Variants in TIMM23 observed in about 807,000 individuals in gnomAD.
TIMM23 encodes the protein translocase of inner mitochondrial membrane 23.
TIMM23 carries 19 observed loss-of-function variants against 30.7 expected under a neutral mutation model. The observed-to-expected ratio is 0.62, with a 90% CI of 0.43 to 0.91. The LOEUF (loss-of-function observed/expected upper bound fraction) is 0.91. Ranked by LOEUF, TIMM23 falls within the 40% of genes least tolerant of loss-of-function variation. The pLI is 0.00. For missense variants in TIMM23, 202 were observed against 269.2 expected, an observed-to-expected ratio of 0.75 and a Z score of 1.75; for synonymous variants, 78 against 98.5, an observed-to-expected ratio of 0.79 and a Z score of 1.23.
At chr10:45,972,958 G>T (rs1357763785) in intron 1 of TIMM23, among the ~76,000 whole-genome samples, 4 of 152,080 alleles carry the variant, frequency 2.6e-5, no homozygotes, top group Non-Finnish European at 5.9e-5. Context: ...ACCTGGACTC[G>T]CGAGATGATG....
intron 2 of TIMM23, among the ~76,000 whole-genome samples, chr10:45,978,588 G>A (rs1156972526): frequency 6.6e-6 from 1 of 152,180 alleles, no homozygotes; most frequent in Non-Finnish European, 1.5e-5. Context: ...AAACCACAAT[G>A]AGATACCTCT....
intron 2 of TIMM23, among the ~76,000 whole-genome samples, chr10:45,976,546 G>A (rs1415500589): frequency 2.0e-5 from 3 of 152,036 alleles, no homozygotes; most frequent in African/African-American, 7.3e-5. Flanking sequence ...TGGAGACAAA[G>A]GTTGCAGTGA....
rs1299006751 is a variant in TIMM23 at position 45,985,254 on chromosome 10, G to A, written c.345-129G>A. The A allele has an allele frequency of 2.4e-5, 18 of 742,744 alleles. No homozygotes were observed. In the East Asian group the frequency reaches 4.5e-4, roughly 18 times the overall value. 46.0% of individuals were successfully genotyped at this position (742,744 alleles called of 1,614,324 possible). A position where few individuals can be genotyped will look rare whatever the true frequency, so the allele number is the denominator to read the frequency against. The stretch of plus-strand genomic sequence containing the variant: ...TCCTTATTGAAATCGGAGATATTAA[G>A]ATGTATTTTAGAATTTAAAAAACTT... On this transcript the variant is annotated intron_variant, in intron 4 of 6. Coordinates refer to ENST00000580018, the MANE Select transcript of TIMM23 (RefSeq NM_006327.4).
chr10:45,974,506 G>A (rs1203769193), intron 1 of TIMM23, among the ~76,000 whole-genome samples: 2 of 152,184 alleles, frequency 1.3e-5, no homozygotes, highest in African/African-American at 4.8e-5. Flanking sequence ...AGTTACAAGG[G>A]AGTTGGATCC....
At chr10:46,002,810 A>ATT (rs386371331) in intron 6 of TIMM23, among the ~76,000 whole-genome samples, 1,117 of 95,032 alleles carry the variant, frequency 0.012, 88 homozygotes, top group African/African-American at 0.028. Flanking sequence ...ATTTCATAGT[A>ATT]TTTTTTTTTT....
At chr10:45,987,352 C>T (rs1838019487) in intron 5 of TIMM23, among the ~76,000 whole-genome samples, 1 of 152,136 alleles carries the variant, frequency 6.6e-6, no homozygotes, top group Non-Finnish European at 1.5e-5. Context: ...TTGCAGTGGA[C>T]ACCAGTTGGG....
chr10:45,999,818 A>G (rs1473384000), intron 6 of TIMM23, among the ~76,000 whole-genome samples: 1 of 152,148 alleles, frequency 6.6e-6, no homozygotes, highest in Non-Finnish European at 1.5e-5. Flanking sequence ...TTTCACCCCT[A>G]CAGTCTACAG....
Position 45,995,336 on chromosome 10 carries a change from A to G in TIMM23, c.514+6489A>G, listed in dbSNP as rs587679962. On this transcript the variant is annotated intron_variant, in intron 6 of 6. Coordinates refer to ENST00000580018, the MANE Select transcript of TIMM23 (RefSeq NM_006327.4). Reference sequence around the variant, plus strand: ...ATACATATAATATGCCTTAAATTAGATGCCATACTATAGTGGCTTCCCTTG... The same window carrying G: ...ATACATATAATATGCCTTAAATTAGGTGCCATACTATAGTGGCTTCCCTTG... Among the ~76,000 whole-genome samples, 7 of 151,856 alleles carry G rather than the reference A, an allele frequency of 4.6e-5. No individual in the cohort carries two copies. In the East Asian group the frequency reaches 1.4e-3, roughly 29 times the overall value.
At chr10:45,999,574 C>G (rs1838457399) in intron 6 of TIMM23, among the ~76,000 whole-genome samples, 2 of 152,056 alleles carry the variant, frequency 1.3e-5, no homozygotes, top group Non-Finnish European at 2.9e-5. Flanking sequence ...TCAGAGACAT[C>G]AAGTACTTCA....
chr10:45,972,765 C>T (rs782784120), intron 1 of TIMM23, 35 bp downstream of exon 1: 2 of 1,612,180 alleles, frequency 1.2e-6, no homozygotes. Flanking sequence ...TTATTTCTGA[C>T]TGGTTTTTGC....
chr10:45,988,952 G>T (rs1274426962), intron 6 of TIMM23, 105 bp downstream of exon 6: 5 of 796,444 alleles, frequency 6.3e-6, no homozygotes, highest in African/African-American at 3.5e-5. Flanking sequence ...ATAATCTAGT[G>T]TTCTAACTTT....
intron 1 of TIMM23, among the ~76,000 whole-genome samples, chr10:45,973,920 T>C (rs1837581964): frequency 6.6e-5 from 10 of 152,066 alleles, no homozygotes. Context: ...CCCAAAATGC[T>C]GGGATTCCTA....
chr10:45,997,425 A>G (rs1301187463), intron 6 of TIMM23, among the ~76,000 whole-genome samples: 1 of 152,146 alleles, frequency 6.6e-6, no homozygotes, highest in Non-Finnish European at 1.5e-5. Flanking sequence ...ATACAGAAAA[A>G]AAGTAGAATG....
At position 45,972,726 on chromosome 10, in the gene TIMM23, C is replaced by G. The variant is rs782120914; in HGVS notation, c.102C>G (p.Val34=). The change falls in exon 1 of 7, where the codon GTC becomes GTG. Residue 34 remains valine, a synonymous_variant. Transcript: ENST00000580018. ...ACTCGCACGCGGATTTGGCTGGCGTCCCGCGTAAGTATGGGGCCTAGCTTG... is the reference window on the plus strand; with the variant it reads ...ACTCGCACGCGGATTTGGCTGGCGTGCCGCGTAAGTATGGGGCCTAGCTTG... ...AGYSHADLAG[V]PLTGMNPLSP... 4.2e-5 allele frequency: 67 copies of G among 1,613,816 alleles called. No individual in the cohort carries two copies. The highest frequency in any genetic ancestry group is 5.6e-5 in the Non-Finnish European group (66 of 1,179,864).
At chr10:45,997,702 G>C (rs1039947784) in intron 6 of TIMM23, among the ~76,000 whole-genome samples, 16 of 152,108 alleles carry the variant, frequency 1.1e-4, no homozygotes, top group Non-Finnish European at 1.8e-4. Flanking sequence ...CTACTTAGGA[G>C]GTTGTTGTGG....
rs782245516 is a variant in TIMM23, at chr10:45,978,031, C to CA, written c.165+2529dup. Among the ~76,000 whole-genome samples the CA allele has an allele frequency of 1.6e-4, 24 of 147,422 alleles. No individual in the cohort carries two copies. In the East Asian group the frequency reaches 2.6e-3, roughly 16 times the overall value. ...TGGGCAACAGAGTAAGACTCGGTCT[C>CA]AAAAAAAAAATAAAAAAATAAATAA... On this transcript the variant is annotated intron_variant, in intron 2 of 6. Coordinates refer to ENST00000580018, the MANE Select transcript of TIMM23 (RefSeq NM_006327.4).
intron 6 of TIMM23, among the ~76,000 whole-genome samples, chr10:45,993,876 A>G (rs1838246756): frequency 6.6e-6 from 1 of 152,082 alleles, no homozygotes; most frequent in Admixed American, 6.5e-5. Context: ...AAATAATGAA[A>G]TGAACAATGA....
At chr10:45,987,911 G>A (rs1838044037) in intron 5 of TIMM23, among the ~76,000 whole-genome samples, 1 of 152,070 alleles carries the variant, frequency 6.6e-6, no homozygotes, top group Non-Finnish European at 1.5e-5. Context: ...AACTTTGTGA[G>A]CCACCACACC....
chr10:46,000,642 A>T (rs117205059), intron 6 of TIMM23, among the ~76,000 whole-genome samples: 1 of 152,238 alleles, frequency 6.6e-6, no homozygotes, highest in Non-Finnish European at 1.5e-5. Flanking sequence ...GAATCCTTCC[A>T]CAAGGGCCAA....
Sources: allele counts gnomAD v4.1 joint callset (sites outside exome capture counted in the v4.1 genomes callset), GRCh38; gene constraint gnomAD v4.1.1; transcripts MANE v1.5; gene names NCBI Gene and HGNC (gene_info 2026-07-23, HGNC 2026-07-21).